NR3C2: variants seen among roughly 807,000 people sequenced by gnomAD.
NR3C2 encodes the protein nuclear receptor subfamily 3 group C member 2, also known as mineralocorticoid receptor.
A neutral mutation model predicts 86.4 loss-of-function variants in NR3C2; 15 were observed. That is an observed-to-expected ratio of 0.17 (90% CI 0.12 to 0.27). The LOEUF is 0.27. Ranked by LOEUF, NR3C2 falls within the 10% of genes least tolerant of loss-of-function variation. The pLI, the probability that NR3C2 is intolerant of heterozygous loss-of-function variation, is 1.00. For synonymous variants in NR3C2, 458 were observed against 450.5 expected, an observed-to-expected ratio of 1.02 and a Z score of -0.21; for missense variants, 960 against 1,195.6, an observed-to-expected ratio of 0.80 and a Z score of 2.91.
chr4:148,186,992 GTATGTATATATATATATATATA>G (rs1560967242), intron 4 of NR3C2, among the ~76,000 whole-genome samples: 3 of 10,366 alleles, frequency 2.9e-4, no homozygotes, highest in African/African-American at 2.5e-3. Flanking sequence ...ATGTGTGTAT[GTATGTATATATATATATATATA>G]TATATATATA....
chr4:148,185,003 G>A (rs1158813658), intron 4 of NR3C2, among the ~76,000 whole-genome samples: 1 of 152,190 alleles, frequency 6.6e-6, no homozygotes, highest in African/African-American at 2.4e-5. Context: ...GGATTCAGAG[G>A]TTGGTAGGAT....
intron 6 of NR3C2, among the ~76,000 whole-genome samples, chr4:148,147,095 G>C (rs1302907811): frequency 2.6e-5 from 4 of 152,180 alleles, no homozygotes; most frequent in Admixed American, 2.6e-4. Context: ...TATTTGAAAA[G>C]TTTTGAGTTT....
At position 148,119,919 on chromosome 4, in the gene NR3C2, C is replaced by T. The variant is rs6840172; in HGVS notation, c.2641+239G>A. On this transcript the variant is annotated intron_variant, in intron 7 of 8. Transcript: ENST00000358102. The stretch of plus-strand genomic sequence containing the variant: ...ACACATAACAGATACTTTATAAACA[C>T]TGAGTGGTTGGATGGATGAAGGAAT... Among the ~76,000 whole-genome samples, 1,113 of 152,142 alleles carry T rather than the reference C, an allele frequency of 7.3e-3. 19 individuals carry two copies. Among genetic ancestry groups the T allele is most frequent in the African/African-American group, 0.025 (1,041 of 41,474 alleles).
At chr4:148,179,459 C>G (rs1033704133) in intron 4 of NR3C2, among the ~76,000 whole-genome samples, 1 of 151,668 alleles carries the variant, frequency 6.6e-6, no homozygotes, top group Non-Finnish European at 1.5e-5. Context: ...TCCAACATCC[C>G]TGAATTTTAT....
At chr4:148,308,586 T>C (rs551484321) in intron 2 of NR3C2, among the ~76,000 whole-genome samples, 2 of 152,018 alleles carry the variant, frequency 1.3e-5, no homozygotes, top group African/African-American at 4.8e-5. Flanking sequence ...GGGAAGGGTA[T>C]GGGGAAGGGG....
At chr4:148,167,171 G>C (rs975378564) in intron 4 of NR3C2, among the ~76,000 whole-genome samples, 2 of 152,156 alleles carry the variant, frequency 1.3e-5, no homozygotes, top group Non-Finnish European at 2.9e-5. Context: ...TGATGGCTTT[G>C]TTAGTGTAAG....
intron 8 of NR3C2, among the ~76,000 whole-genome samples, chr4:148,104,740 T>C (rs1452897596): frequency 3.3e-5 from 5 of 152,220 alleles, no homozygotes; most frequent in African/African-American, 1.2e-4. Context: ...GTTATTTCAT[T>C]CACTTCCCCA....
In NR3C2 at chr4:148,435,041, T is replaced by C. The variant is rs1365637392; in HGVS notation, c.1757+63A>G. On this transcript the variant is annotated intron_variant, in intron 2 of 8. Transcript: ENST00000358102. ...TGTTTAAATTTATCAACTGTAAAGA[T>C]AATGCTAACCTTCAACATGTATAAA... 18 of 1,462,370 alleles carry C rather than the reference T, an allele frequency of 1.2e-5. No homozygotes were observed. In the Admixed American group the frequency reaches 2.8e-4, roughly 23 times the overall value. 90.6% of individuals were successfully genotyped at this position (1,462,370 alleles called of 1,614,324 possible). A position where few individuals can be genotyped will look rare whatever the true frequency, so the allele number is the denominator to read the frequency against.
At chr4:148,425,699 C>T (rs1049546037) in intron 2 of NR3C2, among the ~76,000 whole-genome samples, 1 of 152,172 alleles carries the variant, frequency 6.6e-6, no homozygotes, top group Non-Finnish European at 1.5e-5. Flanking sequence ...CAATGAGAAG[C>T]CACCAGAGGG....
At chr4:148,206,534 A>C (rs1488016727) in intron 3 of NR3C2, among the ~76,000 whole-genome samples, 3 of 152,210 alleles carry the variant, frequency 2.0e-5, no homozygotes, top group Admixed American at 1.3e-4. Context: ...CATTATTCCC[A>C]GTAGAAATAA....
chr4:148,212,401 G>C (rs1167223922), intron 3 of NR3C2, among the ~76,000 whole-genome samples: 1 of 152,208 alleles, frequency 6.6e-6, no homozygotes, highest in Admixed American at 6.5e-5. Context: ...CTGAAGTTAG[G>C]ACTGAGCTAC....
intron 3 of NR3C2, among the ~76,000 whole-genome samples, chr4:148,230,363 T>C (rs928130225): frequency 6.6e-6 from 1 of 152,006 alleles, no homozygotes; most frequent in African/African-American, 2.4e-5. Flanking sequence ...CTGGCTAATT[T>C]TTTTGTATTT....
At chr4:148,139,151 CAT>C in intron 6 of NR3C2, among the ~76,000 whole-genome samples, 1 of 152,278 alleles carries the variant, frequency 6.6e-6, no homozygotes, top group Non-Finnish European at 1.5e-5. Context: ...AAATATATAT[CAT>C]GTCTGAAACC....
At chr4:148,171,797 T>G (rs1274948406) in intron 4 of NR3C2, among the ~76,000 whole-genome samples, 2 of 152,200 alleles carry the variant, frequency 1.3e-5, no homozygotes, top group African/African-American at 4.8e-5. Context: ...ACTGTCTTTG[T>G]GTTCACGGTC....
chr4:148,416,997 G>C (rs544414825), intron 2 of NR3C2, among the ~76,000 whole-genome samples: 1 of 151,952 alleles, frequency 6.6e-6, no homozygotes, highest in Non-Finnish European at 1.5e-5. Context: ...GGCTGGTCTC[G>C]AACTGCTGAC....
At chr4:148,339,290 T>C (rs144739507) in intron 2 of NR3C2, among the ~76,000 whole-genome samples, 68 of 152,318 alleles carry the variant, frequency 4.5e-4, no homozygotes, top group Non-Finnish European at 8.1e-4. Context: ...AGGCTCAGTA[T>C]GCTCTGTCAG....
chr4:148,177,263 A>T (rs904819066), intron 4 of NR3C2, among the ~76,000 whole-genome samples: 1 of 152,246 alleles, frequency 6.6e-6, no homozygotes, highest in African/African-American at 2.4e-5. Flanking sequence ...ATAGTTTTAA[A>T]ATATGTTAGA....
intron 2 of NR3C2, among the ~76,000 whole-genome samples, chr4:148,352,842 C>T (rs1297718910): frequency 2.0e-5 from 3 of 151,762 alleles, no homozygotes; most frequent in Non-Finnish European, 4.4e-5. Flanking sequence ...CAAAGCAAAC[C>T]CCTAAAAATA....
chr4:148,305,094 C>T lies in NR3C2; in HGVS notation c.1758-44977G>A, dbSNP rs997593695. Among the ~76,000 whole-genome samples the T allele has an allele frequency of 2.6e-5, 4 of 151,834 alleles. No homozygotes were observed. The East Asian group carries it at 7.7e-4, about 29-fold the overall frequency. On this transcript the variant is annotated intron_variant, in intron 2 of 8. Transcript: ENST00000358102. ...TGAAATGATAAAATAAAAACTTAAT[C>T]ATTTGCAAAATAATAGAAAACAAAT...
Sources: allele counts gnomAD v4.1 joint callset (sites outside exome capture counted in the v4.1 genomes callset), GRCh38; gene constraint gnomAD v4.1.1; transcripts MANE v1.5; gene names NCBI Gene and HGNC (gene_info 2026-07-23, HGNC 2026-07-21).